Variants in STYK1 observed in about 807,000 individuals in gnomAD.
STYK1 encodes tyrosine-protein kinase STYK1.
STYK1 carries 46 observed loss-of-function variants against 48.1 expected under a neutral mutation model. That is an observed-to-expected ratio of 0.96 (90% CI 0.75 to 1.22). The LOEUF (loss-of-function observed/expected upper bound fraction) is 1.22. Among genes scored for constraint, STYK1 ranks in the 50% most tolerant of loss-of-function variants. The pLI is 0.00. For missense variants in STYK1, 527 were observed against 521.1 expected, an observed-to-expected ratio of 1.01 and a Z score of -0.11; for synonymous variants, 188 against 189.0, an observed-to-expected ratio of 0.99 and a Z score of 0.04.
At position 10,620,360 on chromosome 12, in the gene STYK1, A is replaced by G. The variant is rs758115995; in HGVS notation, c.1065-12T>C. ...TCATGATACTGTACCTGAGAGGGAA[A>G]CAAGAGAAACTGACTTCCTTGACAA... is the stretch of plus-strand genomic sequence containing the variant. On this transcript the variant is annotated splice_polypyrimidine_tract_variant and intron_variant, in intron 10 of 10. Coordinates refer to ENST00000075503, the MANE Select transcript of STYK1 (RefSeq NM_018423.3). The G allele has an allele frequency of 6.2e-7, 1 of 1,611,478 alleles. No homozygotes were observed. The highest frequency in any genetic ancestry group is 1.7e-5 in the Admixed American group (1 of 59,994).
intron 1 of STYK1, among the ~76,000 whole-genome samples, chr12:10,664,961 G>A (rs1947818864): frequency 6.6e-6 from 1 of 152,206 alleles, no homozygotes; most frequent in Admixed American, 6.5e-5. Context: ...TAAGTGAAAA[G>A]GTGACATGCA....
At chr12:10,638,552 T>A (rs1366028838) in intron 1 of STYK1, among the ~76,000 whole-genome samples, 1 of 152,212 alleles carries the variant, frequency 6.6e-6, no homozygotes, top group Non-Finnish European at 1.5e-5. Flanking sequence ...CTTTTACACA[T>A]ACAATACAAG....
At chr12:10,625,248 C>T (rs978535164) in intron 7 of STYK1, among the ~76,000 whole-genome samples, 5 of 151,978 alleles carry the variant, frequency 3.3e-5, no homozygotes, top group Admixed American at 2.0e-4. Context: ...GAGACAGTCT[C>T]GCTCTGTCAC....
At chr12:10,642,964 T>G (rs1947561230) in intron 1 of STYK1, among the ~76,000 whole-genome samples, 1 of 152,202 alleles carries the variant, frequency 6.6e-6, no homozygotes, top group Non-Finnish European at 1.5e-5. Flanking sequence ...ATCACTTATA[T>G]GCTGGCTAAT....
At chr12:10,630,218 T>TCTA (rs150388495) in intron 5 of STYK1, among the ~76,000 whole-genome samples, 48,043 of 150,918 alleles carry the variant, frequency 0.32, 8,640 homozygotes, top group Non-Finnish European at 0.42. Flanking sequence ...AAACCCCATT[T>TCTA]CTACTAATAA....
chr12:10,633,846 C>T, intron 4 of STYK1, 144 bp downstream of exon 4: 1 of 972,728 alleles, frequency 1.0e-6, no homozygotes, highest in Non-Finnish European at 1.5e-6. Flanking sequence ...TCATCCCCCT[C>T]TCAACTCCAT....
chr12:10,651,313 C>T (rs2120742485), intron 1 of STYK1, among the ~76,000 whole-genome samples: 2 of 152,218 alleles, frequency 1.3e-5, no homozygotes, highest in Middle Eastern at 3.4e-3. Flanking sequence ...GCTCAGTTTC[C>T]AGTTTTCTTA....
Position 10,621,890 on chromosome 12 carries a change from G to A in STYK1, c.1050C>T (p.Ser350=), listed in dbSNP as rs781030143. ...QRRKIMKRPS[S]CTHTMYSIMK... is the part of the protein sequence containing the mutation. Reference sequence around the variant, plus strand: ...AAACCACTTACATGGTATGTGTGCAGCTACTGGGTCTCTTCATGATTTTCC... The same window carrying A: ...AAACCACTTACATGGTATGTGTGCAACTACTGGGTCTCTTCATGATTTTCC... The change falls in exon 10 of 11, where the codon AGC becomes AGT. Residue 350 remains serine (S), a synonymous_variant. Transcript: ENST00000075503. 1.2e-5 allele frequency: 19 copies of A among 1,613,824 alleles called. 1 individual carries two copies. The South Asian group carries it at 2.1e-4, about 18-fold the overall frequency.
intron 1 of STYK1, among the ~76,000 whole-genome samples, chr12:10,655,884 A>G (rs1947712488): frequency 6.6e-6 from 1 of 152,210 alleles, no homozygotes; most frequent in Non-Finnish European, 1.5e-5. Context: ...TATGAGCTAT[A>G]CGTATATTTA....
chr12:10,644,248 C>A (rs1013017925), intron 1 of STYK1, among the ~76,000 whole-genome samples: 3 of 152,052 alleles, frequency 2.0e-5, no homozygotes, highest in African/African-American at 7.2e-5. Flanking sequence ...AATTCTGTAT[C>A]TTGACTGTGG....
chr12:10,662,131 C>G (rs1326112978), intron 1 of STYK1, among the ~76,000 whole-genome samples: 1 of 152,166 alleles, frequency 6.6e-6, no homozygotes, highest in Non-Finnish European at 1.5e-5. Flanking sequence ...ACTTTTGTAT[C>G]TGGCTGGCTT....
intron 1 of STYK1, among the ~76,000 whole-genome samples, chr12:10,669,077 C>T (rs1222662669): frequency 6.6e-6 from 1 of 152,102 alleles, no homozygotes; most frequent in African/African-American, 2.4e-5. Flanking sequence ...TTGTTCATTG[C>T]TGTATCCCTA....
rs572932182 is a variant in STYK1 at position 10,633,952 on chromosome 12, C to T, written c.187+38G>A. On this transcript the variant is annotated intron_variant, in intron 4 of 10. Coordinates refer to ENST00000075503, the MANE Select transcript of STYK1 (RefSeq NM_018423.3). Reference sequence around the variant, plus strand: ...CATACTTTTTCCTAATCTCCATCTTCTTTAAGCCCCTGCCCAGCCCCAAAG... The same window carrying T: ...CATACTTTTTCCTAATCTCCATCTTTTTTAAGCCCCTGCCCAGCCCCAAAG... The T allele has an allele frequency of 1.9e-5, 30 of 1,606,588 alleles. No individual in the cohort carries two copies. In the East Asian group the frequency reaches 6.0e-4, roughly 32 times the overall value.
At chr12:10,631,617 G>A (rs1209201345) in intron 4 of STYK1, among the ~76,000 whole-genome samples, 1 of 152,146 alleles carries the variant, frequency 6.6e-6, no homozygotes, top group African/African-American at 2.4e-5. Flanking sequence ...AGACAATTAG[G>A]GAAGTTACTG....
chr12:10,644,330 G>C (rs1022655125), intron 1 of STYK1, among the ~76,000 whole-genome samples: 1 of 152,158 alleles, frequency 6.6e-6, no homozygotes. Context: ...AAGATAATGT[G>C]TGAATGCAAA....
At chr12:10,670,390 C>CTAT (rs1947879244) in intron 1 of STYK1, among the ~76,000 whole-genome samples, 1 of 152,038 alleles carries the variant, frequency 6.6e-6, no homozygotes, top group African/African-American at 2.4e-5. Context: ...ACACAATGAA[C>CTAT]TATTATTCAG....
intron 1 of STYK1, among the ~76,000 whole-genome samples, chr12:10,639,950 A>G (rs1947525851): frequency 6.6e-6 from 1 of 152,216 alleles, no homozygotes; most frequent in Non-Finnish European, 1.5e-5. Flanking sequence ...GGATGAATTG[A>G]ATCTGCCTGT....
At chr12:10,656,688 A>G (rs112121697) in intron 1 of STYK1, among the ~76,000 whole-genome samples, 27 of 152,342 alleles carry the variant, frequency 1.8e-4, no homozygotes, top group African/African-American at 6.3e-4. Context: ...TCTCCGTTTT[A>G]TCTTCTTGCC....
chr12:10,661,615 G>A lies in STYK1; in HGVS notation c.-195+12351C>T, dbSNP rs140208321. Among the ~76,000 whole-genome samples the A allele has an allele frequency of 1.6e-3, 240 of 152,244 alleles. 1 individual carries two copies. Among genetic ancestry groups the A allele is most frequent in the African/African-American group, 5.5e-3 (228 of 41,528 alleles). On this transcript the variant is annotated intron_variant, in intron 1 of 10. Transcript: ENST00000075503. The stretch of plus-strand genomic sequence containing the variant: ...TTATATAGTGGTAGTCATGTGTTAG[G>A]CACTCTTCCAAGCACTTCACAAATA...
Sources: allele counts gnomAD v4.1 joint callset (sites outside exome capture counted in the v4.1 genomes callset), GRCh38; gene constraint gnomAD v4.1.1; transcripts MANE v1.5; gene names NCBI Gene and HGNC (gene_info 2026-07-23, HGNC 2026-07-21).